TIGAR: variants seen among roughly 807,000 people sequenced by gnomAD.
TIGAR encodes the protein TP53 induced glycolysis regulatory phosphatase.
Under a neutral mutation model 17.9 loss-of-function variants are expected in TIGAR, and 7 were observed. That is an observed-to-expected ratio of 0.39 (90% CI 0.22 to 0.73). The LOEUF (loss-of-function observed/expected upper bound fraction) is 0.73. Ranked by LOEUF, TIGAR falls within the 30% of genes least tolerant of loss-of-function variation. The pLI, the probability that TIGAR is intolerant of heterozygous loss-of-function variation, is 0.42. For missense variants in TIGAR, 258 were observed against 327.4 expected, an observed-to-expected ratio of 0.79 and a Z score of 1.64; for synonymous variants, 94 against 108.6, an observed-to-expected ratio of 0.87 and a Z score of 0.84.
At chr12:4,337,723 T>C (rs1462210218) in intron 3 of TIGAR, among the ~76,000 whole-genome samples, 2 of 152,190 alleles carry the variant, frequency 1.3e-5, no homozygotes, top group Non-Finnish European at 2.9e-5. Flanking sequence ...CAGGAGAAAT[T>C]AATCCACTGT....
At chr12:4,342,514 C>A (rs1294938834) in intron 3 of TIGAR, among the ~76,000 whole-genome samples, 2 of 152,126 alleles carry the variant, frequency 1.3e-5, no homozygotes, top group African/African-American at 2.4e-5. Flanking sequence ...CAAAGGGAAC[C>A]CCATCAGACT....
Position 4,354,826 on chromosome 12 carries a change from G to T in TIGAR, c.*2135G>T, listed in dbSNP as rs1591667480. 6.6e-6 allele frequency among the ~76,000 whole-genome samples: 1 copy of T among 150,664 alleles called. No individual in the cohort carries two copies. Among genetic ancestry groups the T allele is most frequent in the East Asian group, 1.9e-4 (1 of 5,130 alleles). ...GGCTCACTGCAACCTCCACCTCTCG[G>T]GTTCAAGCAATTCTTGTGCCTCAGC... On this transcript the variant is annotated 3_prime_UTR_variant, in exon 6 of 6. Coordinates refer to ENST00000179259, the MANE Select transcript of TIGAR (RefSeq NM_020375.3).
chr12:4,329,441 C>T (rs1290758060), intron 1 of TIGAR, among the ~76,000 whole-genome samples: 3 of 134,686 alleles, frequency 2.2e-5, no homozygotes, highest in African/African-American at 8.3e-5. Context: ...CGGGTTTAAA[C>T]AATTCTTGTG....
chr12:4,351,946 C>T (rs1864841784), intron 5 of TIGAR, among the ~76,000 whole-genome samples: 1 of 152,192 alleles, frequency 6.6e-6, no homozygotes, highest in Non-Finnish European at 1.5e-5. Context: ...CTGGTTAGCA[C>T]TGTTTTATGA....
intron 3 of TIGAR, 117 bp downstream of exon 3, chr12:4,337,277 A>T: frequency 1.7e-6 from 1 of 587,272 alleles, no homozygotes; most frequent in Admixed American, 4.8e-5. Flanking sequence ...AGTGATTCTG[A>T]TGCCTCAGCC....
At chr12:4,331,216 T>G (rs988320180) in intron 1 of TIGAR, 64 bp from the exon 2 acceptor site, 36 of 1,442,276 alleles carry the variant, frequency 2.5e-5, no homozygotes, top group African/African-American at 4.2e-5. Context: ...ATTGCTCATT[T>G]TTTTCCTCCT....
chr12:4,333,993 T>G lies in TIGAR; in HGVS notation c.70+2676T>G, dbSNP rs561647093. Among the ~76,000 whole-genome samples the G allele has an allele frequency of 7.9e-5, 12 of 152,210 alleles. No homozygotes were observed. In the South Asian group the frequency reaches 2.5e-3, roughly 32 times the overall value. The stretch of plus-strand genomic sequence containing the variant: ...TTTTTTCTTTGTTTTTTTTTTCCCC[T>G]TCTTTTTATAGTCTTTCTTTTTTTA... On this transcript the variant is annotated intron_variant, in intron 2 of 5. Coordinates refer to ENST00000179259, the MANE Select transcript of TIGAR (RefSeq NM_020375.3).
At chr12:4,325,034 C>G (rs887564292) in intron 1 of TIGAR, among the ~76,000 whole-genome samples, 1 of 151,302 alleles carries the variant, frequency 6.6e-6, no homozygotes, top group African/African-American at 2.4e-5. Flanking sequence ...CCTCCGCCTC[C>G]CGGGTTCAAG....
chr12:4,328,508 A>G (rs1864570156), intron 1 of TIGAR, among the ~76,000 whole-genome samples: 1 of 151,600 alleles, frequency 6.6e-6, no homozygotes. Context: ...ATCTTTTATT[A>G]ATATTAACAA....
chr12:4,341,924 G>A (rs1864727382), intron 3 of TIGAR, among the ~76,000 whole-genome samples: 1 of 152,156 alleles, frequency 6.6e-6, no homozygotes, highest in Non-Finnish European at 1.5e-5. Flanking sequence ...AGCTTCAGAT[G>A]ATCAGACTTC....
chr12:4,335,653 T>C (rs1864650091), intron 2 of TIGAR: 1 of 152,268 alleles, frequency 6.6e-6, no homozygotes, highest in Admixed American at 6.5e-5. Flanking sequence ...TCCAGAACTG[T>C]GAGAAATAAA....
intron 3 of TIGAR, among the ~76,000 whole-genome samples, chr12:4,338,975 C>CAAAAAAAAAAA (rs199840929): frequency 1.0e-4 from 4 of 38,182 alleles, no homozygotes; most frequent in African/African-American, 2.9e-4. Flanking sequence ...AACTTTGTCT[C>CAAAAAAAAAAA]ACAAAAAAAA....
At chr12:4,344,311 G>C (rs1864757086) in intron 3 of TIGAR, among the ~76,000 whole-genome samples, 1 of 152,144 alleles carries the variant, frequency 6.6e-6, no homozygotes, top group Non-Finnish European at 1.5e-5. Flanking sequence ...AGGAGGAGCT[G>C]GTACCATTCC....
chr12:4,324,708 C>G, intron 1 of TIGAR: 2 of 849,746 alleles, frequency 2.4e-6, no homozygotes, highest in South Asian at 2.9e-5. Flanking sequence ...TGTACAGCTG[C>G]GTCAGCTGCT....
At chr12:4,328,202 T>G (rs953257954) in intron 1 of TIGAR, among the ~76,000 whole-genome samples, 1 of 152,170 alleles carries the variant, frequency 6.6e-6, no homozygotes, top group Admixed American at 6.5e-5. Context: ...AGGAAATCTT[T>G]TTTTTTGAGA....
At chr12:4,324,421 C>T (rs1864514850) in intron 1 of TIGAR, 2 of 1,453,906 alleles carry the variant, frequency 1.4e-6, no homozygotes, top group African/African-American at 1.4e-5. Context: ...GATGCCGGGC[C>T]GGCAGTGCTT....
chr12:4,341,647 A>G (rs1309662238), intron 3 of TIGAR, among the ~76,000 whole-genome samples: 1 of 152,230 alleles, frequency 6.6e-6, no homozygotes, highest in Non-Finnish European at 1.5e-5. Context: ...GTGGACCTCC[A>G]GCAAACTCCA....
At chr12:4,333,879 C>T (rs1430772555) in intron 2 of TIGAR, among the ~76,000 whole-genome samples, 8 of 152,204 alleles carry the variant, frequency 5.3e-5, no homozygotes, top group South Asian at 2.1e-4. Flanking sequence ...GGATTACAGG[C>T]GTGAGCCACC....
rs975643441 is a variant in TIGAR at position 4,358,366 on chromosome 12, C to T, written c.*5675C>T. 3.3e-5 allele frequency among the ~76,000 whole-genome samples: 5 copies of T among 151,792 alleles called. No homozygotes were observed. The highest frequency in any genetic ancestry group is 5.9e-5 in the Non-Finnish European group (4 of 67,956). On this transcript the variant is annotated 3_prime_UTR_variant, in exon 6 of 6. Coordinates refer to ENST00000179259, the MANE Select transcript of TIGAR (RefSeq NM_020375.3). ...GAATAATTACAGTAATGTGTATGTG[C>T]GTGTGTTTTGGTAATCTTTTATCTT...
Sources: gnomAD v4.1 joint callset for allele counts (sites outside exome capture counted in the v4.1 genomes callset) on GRCh38, gnomAD v4.1.1 for gene constraint, MANE v1.5 for transcripts, NCBI Gene and HGNC (gene_info 2026-07-23, HGNC 2026-07-21) for gene names.